WBP2NL: variants seen among roughly 807,000 people sequenced by gnomAD.
The protein encoded by WBP2NL is WBP2 N-terminal like.
In WBP2NL, 27 loss-of-function variants were observed where a neutral mutation model predicts 23.3. The ratio of observed to expected loss-of-function variants is 1.16; its 90% CI spans 0.85 to 1.60. WBP2NL has a LOEUF of 1.60. Ranked by LOEUF, WBP2NL falls within the 40% of genes most tolerant of loss-of-function variation. WBP2NL has a pLI of 0.00. For missense variants in WBP2NL, 370 were observed against 389.5 expected (o/e 0.95, Z 0.42); for synonymous variants, 151 against 145.9 (o/e 1.03, Z -0.25).
Position 42,028,256 on chromosome 22 carries a change from A to G in WBP2NL, c.*1075A>G, listed in dbSNP as rs1924682287. The G allele has an allele frequency of 2.5e-6, 1 of 395,202 alleles. No individual in the cohort carries two copies. 24.5% of individuals were successfully genotyped at this position (395,202 alleles called of 1,614,324 possible). On this transcript the variant is annotated 3_prime_UTR_variant, in exon 6 of 6. Coordinates refer to ENST00000328823, the MANE Select transcript of WBP2NL (RefSeq NM_152613.3). The stretch of plus-strand genomic sequence containing the variant: ...AAGCAAGTTGTAGGGAGCATATACT[A>G]TAGTGATTTTCAGCCTCATCAGACT...
Position 42,027,589 on chromosome 22 carries a change from A to G in WBP2NL, c.*408A>G. 3.9e-6 allele frequency: 1 copy of G among 254,668 alleles called. No homozygotes were observed. Among genetic ancestry groups the G allele is most frequent in the South Asian group, 1.3e-4 (1 of 7,504 alleles). The allele number at this position is 254,668 out of a possible 1,614,324, so 15.8% of individuals were successfully genotyped here. A position where few individuals can be genotyped will look rare whatever the true frequency, so the allele number is the denominator to read the frequency against. On this transcript the variant is annotated 3_prime_UTR_variant, in exon 6 of 6. Transcript: ENST00000328823. Reference sequence around the variant, plus strand: ...CATGTTGAACACTTAGTTGTTTGAGAAAGCTAAATTTTCAATAGTAAGAGT... The same window carrying G: ...CATGTTGAACACTTAGTTGTTTGAGGAAGCTAAATTTTCAATAGTAAGAGT...
intron 3 of WBP2NL, 63 bp from the exon 4 acceptor site, chr22:42,019,941 G>A (rs1923726740): frequency 6.3e-7 from 1 of 1,595,878 alleles, no homozygotes; most frequent in Non-Finnish European, 8.6e-7. Flanking sequence ...TGGTGTTTGT[G>A]GCAGTCTTTC....
chr22:42,028,755 T>G (rs892031761), downstream of WBP2NL, among the ~76,000 whole-genome samples: 4 of 152,212 alleles, frequency 2.6e-5, no homozygotes, highest in African/African-American at 7.2e-5. Context: ...CTGTATATAT[T>G]AAAGTCATAT....
intron 1 of WBP2NL, among the ~76,000 whole-genome samples, chr22:42,013,599 T>C (rs1923036170): frequency 6.6e-6 from 1 of 151,060 alleles, no homozygotes. Flanking sequence ...TTCATTAAAT[T>C]TGGGAAGGTT....
downstream of WBP2NL, among the ~76,000 whole-genome samples, chr22:42,033,394 T>C (rs1484800017): frequency 9.2e-5 from 14 of 152,302 alleles, no homozygotes; most frequent in East Asian, 1.3e-3. Flanking sequence ...GCAGCTCTTC[T>C]TTTCTTCTCT....
chr22:42,055,735 G>A (rs964149680), intron 8 of WBP2NL, among the ~76,000 whole-genome samples: 2 of 152,084 alleles, frequency 1.3e-5, no homozygotes, highest in African/African-American at 2.4e-5. Context: ...GTATGCTAAT[G>A]TGTAAAATTA....
At chr22:42,055,134 AGT>A in intron 8 of WBP2NL, among the ~76,000 whole-genome samples, 1 of 150,600 alleles carries the variant, frequency 6.6e-6, no homozygotes, top group Admixed American at 6.6e-5. Context: ...CTGCCTCCTG[AGT>A]TCAAATGATT....
chr22:42,025,416 A>G (rs567510648), intron 5 of WBP2NL, among the ~76,000 whole-genome samples: 5 of 152,352 alleles, frequency 3.3e-5, no homozygotes, highest in East Asian at 1.9e-4. Flanking sequence ...TTCTTCACCA[A>G]TGTGGCCCAG....
At chr22:42,023,790 C>T (rs1281767159) in intron 5 of WBP2NL, among the ~76,000 whole-genome samples, 1 of 152,088 alleles carries the variant, frequency 6.6e-6, no homozygotes, top group Non-Finnish European at 1.5e-5. Flanking sequence ...CCACCACACC[C>T]AGCCCCTGCC....
chr22:42,045,788 G>C (rs973699087), intron 8 of WBP2NL, among the ~76,000 whole-genome samples: 1 of 152,196 alleles, frequency 6.6e-6, no homozygotes, highest in African/African-American at 2.4e-5. Context: ...CCAGAAAATA[G>C]GAGGAGAGAC....
At chr22:42,042,953 T>C (rs1925449409) in intron 8 of WBP2NL, among the ~76,000 whole-genome samples, 1 of 140,038 alleles carries the variant, frequency 7.1e-6, no homozygotes, top group African/African-American at 2.7e-5. Context: ...TAGTCCCAGC[T>C]ACTCAGGAGG....
Position 41,998,898 on chromosome 22 carries a change from C to G in WBP2NL, c.62+18C>G, listed in dbSNP as rs1216133373. 1 of 1,604,678 alleles carries G rather than the reference C, an allele frequency of 6.2e-7. No individual in the cohort carries two copies. Among genetic ancestry groups the G allele is most frequent in the African/African-American group, 1.3e-5 (1 of 74,588 alleles). ...GGTGAAAGGTGCCTGAGGGGAAGCA[C>G]GGCGTGCTGTCGGAGGAGAGGAGAC... On this transcript the variant is annotated intron_variant, in intron 1 of 5. Transcript: ENST00000328823.
At position 42,001,409 on chromosome 22, in the gene WBP2NL, C is replaced by T. The variant is rs376923425; in HGVS notation, c.62+2529C>T. 449 of 742,660 alleles carry T rather than the reference C, an allele frequency of 6.0e-4. 1 individual carries two copies. The highest frequency in any genetic ancestry group is 5.7e-3 in the Middle Eastern group (14 of 2,462). 46.0% of individuals were successfully genotyped at this position (742,660 alleles called of 1,614,324 possible). ...TTACCGAAGTAGGCAGCAGGCAGCT[C>T]GGTAGATAATACCCTGCACAGACAC... is the stretch of plus-strand genomic sequence containing the variant. On this transcript the variant is annotated intron_variant, in intron 1 of 5. Transcript: ENST00000328823.
intron 4 of WBP2NL, 151 bp downstream of exon 4, chr22:42,020,247 C>G: frequency 1.3e-6 from 1 of 741,680 alleles, no homozygotes; most frequent in Non-Finnish European, 2.1e-6. Flanking sequence ...ACCATGTTGC[C>G]CAGGCTGGTC....
chr22:42,022,818 ACTG>A (rs1411181089), intron 5 of WBP2NL, among the ~76,000 whole-genome samples: 1 of 152,216 alleles, frequency 6.6e-6, no homozygotes, highest in Non-Finnish European at 1.5e-5. Context: ...AACATGGTCC[ACTG>A]CCTACTGGTG....
At chr22:42,029,553 A>G (rs532921562), downstream of WBP2NL, among the ~76,000 whole-genome samples, 1 of 151,938 alleles carries the variant, frequency 6.6e-6, no homozygotes, top group South Asian at 2.1e-4. Flanking sequence ...TTTTATTTTT[A>G]TAGAGATGGG....
At chr22:42,018,312 CA>C (rs34200437) in intron 1 of WBP2NL, among the ~76,000 whole-genome samples, 133 of 48,624 alleles carry the variant, frequency 2.7e-3, no homozygotes, top group Admixed American at 7.1e-3. Flanking sequence ...GACCCTGTCT[CA>C]AAAAAAAAAA....
intron 5 of WBP2NL, among the ~76,000 whole-genome samples, chr22:42,025,141 C>CT (rs949212469): frequency 6.6e-6 from 1 of 152,170 alleles, no homozygotes; most frequent in African/African-American, 2.4e-5. Context: ...TCAGATTTCT[C>CT]TTTTTTCCTC....
At chr22:42,049,303 GAAA>G (rs964390937) in intron 8 of WBP2NL, among the ~76,000 whole-genome samples, 8 of 150,354 alleles carry the variant, frequency 5.3e-5, no homozygotes, top group Admixed American at 1.3e-4. Flanking sequence ...TATTTCAAAA[GAAA>G]AAAAAATCTA....
Sources: allele counts gnomAD v4.1 joint callset (sites outside exome capture counted in the v4.1 genomes callset), GRCh38; gene constraint gnomAD v4.1.1; transcripts MANE v1.5; gene names NCBI Gene and HGNC (gene_info 2026-07-23, HGNC 2026-07-21).